The following RHOT1 variants were observed in gnomAD, a reference collection of about 807,000 sequenced individuals.
RHOT1 encodes ras homolog family member T1, also known as mitochondrial Rho GTPase 1.
A neutral mutation model predicts 95.3 loss-of-function variants in RHOT1; 27 were observed. That is an observed-to-expected ratio of 0.28 (90% CI 0.21 to 0.39). The LOEUF is 0.39. RHOT1 is among the 10% of genes least tolerant of loss of function. The probability of loss-of-function intolerance (pLI) is 1.00; values close to 1 mark genes in which losing one functional copy is unlikely to be tolerated. For missense variants in RHOT1, 578 were observed against 786.7 expected (o/e 0.73, Z 3.17); for synonymous variants, 227 against 263.5 (o/e 0.86, Z 1.34).
chr17:32,199,655 C>A, intron 13 of RHOT1, 105 bp downstream of exon 13: 1 of 932,778 alleles, frequency 1.1e-6, no homozygotes, highest in Non-Finnish European at 1.5e-6. Flanking sequence ...TGAAATTCTT[C>A]AATCATAATT....
chr17:32,204,053 A>C, intron 16 of RHOT1, 80 bp downstream of exon 16: 2 of 929,902 alleles, frequency 2.2e-6, no homozygotes, highest in Non-Finnish European at 1.7e-6. Flanking sequence ...AATTGGCTTC[A>C]ATTGAATGAC....
intron 15 of RHOT1, 63 bp from the exon 16 acceptor site, chr17:32,203,827 G>C: frequency 9.0e-7 from 1 of 1,116,222 alleles, no homozygotes; most frequent in Non-Finnish European, 1.4e-6. Flanking sequence ...TATACACAGA[G>C]ATGTTTGTAT....
chr17:32,162,636 ATGAT>A (rs2033667199), intron 1 of RHOT1, among the ~76,000 whole-genome samples: 2 of 152,236 alleles, frequency 1.3e-5, no homozygotes, highest in South Asian at 4.1e-4. Context: ...ATCAAATCAG[ATGAT>A]TCAGTCTGGT....
chr17:32,154,443 C>T (rs1257798128), intron 1 of RHOT1, among the ~76,000 whole-genome samples: 2 of 151,188 alleles, frequency 1.3e-5, no homozygotes, highest in Admixed American at 6.6e-5. Flanking sequence ...AAAAATTAGC[C>T]AGGTGTGGTG....
At chr17:32,150,862 A>G (rs1464069222) in intron 1 of RHOT1, 1 of 1,530,324 alleles carries the variant, frequency 6.5e-7, no homozygotes, top group East Asian at 2.3e-5. Context: ...GAAATCTGAA[A>G]CCACGGGAGA....
intron 3 of RHOT1, among the ~76,000 whole-genome samples, chr17:32,174,791 T>A (rs911509427): frequency 3.3e-5 from 5 of 152,334 alleles, no homozygotes; most frequent in Admixed American, 3.3e-4. Context: ...TGCGTGGAAT[T>A]GCAGGCACAC....
chr17:32,145,425 G>C (rs912059431), intron 1 of RHOT1, among the ~76,000 whole-genome samples: 1 of 152,082 alleles, frequency 6.6e-6, no homozygotes. Context: ...AAATGGAACT[G>C]TTATCTTCTT....
chr17:32,190,204 C>A (rs569568072), intron 8 of RHOT1, among the ~76,000 whole-genome samples: 41 of 152,110 alleles, frequency 2.7e-4, no homozygotes, highest in African/African-American at 9.6e-4. Flanking sequence ...GCCTGTAATC[C>A]CAGCACTTTG....
At chr17:32,180,289 G>C (rs1227464471) in intron 6 of RHOT1, among the ~76,000 whole-genome samples, 2 of 152,186 alleles carry the variant, frequency 1.3e-5, no homozygotes, top group Non-Finnish European at 2.9e-5. Flanking sequence ...AGATATAGGA[G>C]ACTCCATTTT....
intron 1 of RHOT1, among the ~76,000 whole-genome samples, chr17:32,160,594 G>A (rs773819685): frequency 8.5e-5 from 13 of 152,200 alleles, no homozygotes; most frequent in Non-Finnish European, 1.3e-4. Context: ...TTGGGGCCCT[G>A]TGGTTCCTGG....
intron 19 of RHOT1, among the ~76,000 whole-genome samples, chr17:32,215,174 G>A (rs914527319): frequency 3.9e-5 from 6 of 152,034 alleles, no homozygotes; most frequent in African/African-American, 1.4e-4. Flanking sequence ...GATTACAGCT[G>A]TGAGCCACCG....
In RHOT1 at chr17:32,208,124, C is replaced by T. The variant is rs774171528; in HGVS notation, c.1554C>T (p.Ser518=). The part of the protein sequence containing the change: ...ARIFKQHFMD[S]RIPCLIVAAK... ...TTCCATAGCAACACTTTATGGACAG[C>T]AGAATACCTTGCTTAATCGTAGCTG... The change falls in exon 18 of 20, where the codon AGC becomes AGT. Residue 518 remains serine, a synonymous_variant. Transcript: ENST00000545287. 1.9e-6 allele frequency: 3 copies of T among 1,613,932 alleles called. No homozygotes were observed. The highest frequency in any genetic ancestry group is 2.5e-6 in the Non-Finnish European group (3 of 1,179,848).
intron 19 of RHOT1, among the ~76,000 whole-genome samples, chr17:32,214,552 C>T (rs2038332974): frequency 6.6e-6 from 1 of 152,140 alleles, no homozygotes; most frequent in Non-Finnish European, 1.5e-5. Context: ...TGTCTCTGGT[C>T]CCATCACCAC....
Position 32,192,268 on chromosome 17 carries a change from C to G in RHOT1, c.608C>G (p.Thr203Ser). 6.3e-7 allele frequency: 1 copy of G among 1,582,536 alleles called. No individual in the cohort carries two copies. The highest frequency in any genetic ancestry group is 8.6e-7 in the Non-Finnish European group (1 of 1,162,378). Residue 203 changes from threonine to serine, a missense_variant, in exon 9 of 20, where the codon ACT (threonine) becomes AGT (serine). This residue lies in a region of RHOT1 where 227 missense variants were observed against 316.0 expected (regional missense o/e 0.72). Transcript: ENST00000545287. The part of the protein sequence containing the change: ...FKISDQDNDG[T>S]LNDAELNFFQ... ...ATATCTGATCAAGATAATGATGGTA[C>G]TCTCAATGATGCTGAACTCAACTTC...
chr17:32,221,472 G>A (rs1219447387), intron 19 of RHOT1, among the ~76,000 whole-genome samples: 1 of 151,860 alleles, frequency 6.6e-6, no homozygotes, highest in East Asian at 1.9e-4. Context: ...ATTAGTTTTT[G>A]ATACTTTTGG....
Position 32,212,078 on chromosome 17 carries a change from A to C in RHOT1, c.1862+840A>C, listed in dbSNP as rs1336087356. Among the ~76,000 whole-genome samples the C allele has an allele frequency of 2.6e-5, 4 of 152,322 alleles. No homozygotes were observed. The South Asian group carries it at 6.2e-4, about 24-fold the overall frequency. ...CATATGTGTATGCATTAGGTTTTTGAAATCATTTAAAAGTCTTTGGGAGCT... is the reference window on the plus strand; with the variant it reads ...CATATGTGTATGCATTAGGTTTTTGCAATCATTTAAAAGTCTTTGGGAGCT... On this transcript the variant is annotated intron_variant, in intron 19 of 19. Transcript: ENST00000545287.
chr17:32,223,284 CTT>C lies in RHOT1; in HGVS notation c.1863-1329_1863-1328del, dbSNP rs771657074. On this transcript the variant is annotated intron_variant, in intron 19 of 19. Coordinates refer to ENST00000545287, the MANE Select transcript of RHOT1 (RefSeq NM_001033566.3). ...CAGTTTGAATTCTTGGCTCTTAACTCTTTTGCATATGTCAGTGCCTTGGTCTT... is the reference window on the plus strand; with the variant it reads ...CAGTTTGAATTCTTGGCTCTTAACTCTTGCATATGTCAGTGCCTTGGTCTT... Among the ~76,000 whole-genome samples the C allele has an allele frequency of 5.3e-5, 8 of 152,152 alleles. No homozygotes were observed. The South Asian group carries it at 6.2e-4, about 12-fold the overall frequency.
At chr17:32,193,434 A>C (rs2036644460) in intron 10 of RHOT1, among the ~76,000 whole-genome samples, 190 bp downstream of exon 10, 1 of 152,176 alleles carries the variant, frequency 6.6e-6, no homozygotes, top group African/African-American at 2.4e-5. Flanking sequence ...CTTTACTACC[A>C]ATATAAATTA....
At chr17:32,154,023 A>ACT (rs1302590719) in intron 1 of RHOT1, among the ~76,000 whole-genome samples, 1 of 151,892 alleles carries the variant, frequency 6.6e-6, no homozygotes, top group African/African-American at 2.4e-5. Context: ...AAATCAGGGG[A>ACT]CAGGCGTGGT....
Sources: allele counts gnomAD v4.1 joint callset (sites outside exome capture counted in the v4.1 genomes callset), GRCh38; gene constraint gnomAD v4.1.1; regional missense constraint gnomAD v4.1.1; transcripts MANE v1.5; gene names NCBI Gene and HGNC (gene_info 2026-07-23, HGNC 2026-07-21).